EPB41L3: variants seen among roughly 807,000 people sequenced by gnomAD.
The protein encoded by EPB41L3 is erythrocyte membrane protein band 4.1 like 3.
A neutral mutation model predicts 127.1 loss-of-function variants in EPB41L3; 57 were observed. The observed-to-expected ratio is 0.45, with a 90% confidence interval of 0.36 to 0.56. The LOEUF is 0.56. Ranked by LOEUF, EPB41L3 falls within the 20% of genes least tolerant of loss-of-function variation. The pLI, the probability that EPB41L3 is intolerant of heterozygous loss-of-function variation, is 0.00. For synonymous variants in EPB41L3, 572 were observed against 549.5 expected, an observed-to-expected ratio of 1.04 and a Z score of -0.57; for missense variants, 1,273 against 1,372.2, an observed-to-expected ratio of 0.93 and a Z score of 1.14.
chr18:5,459,455 TTTTG>T (rs1157228531), intron 3 of EPB41L3, among the ~76,000 whole-genome samples: 1 of 152,182 alleles, frequency 6.6e-6, no homozygotes, highest in Non-Finnish European at 1.5e-5. Context: ...GACTTTTGCT[TTTTG>T]TTTAAGTTTT....
chr18:5,476,322 A>T (rs1439321879), intron 3 of EPB41L3, among the ~76,000 whole-genome samples: 1 of 152,216 alleles, frequency 6.6e-6, no homozygotes, highest in East Asian at 1.9e-4. Context: ...GTATAAAAAT[A>T]ATTTATTATA....
upstream of EPB41L3, among the ~76,000 whole-genome samples, chr18:5,544,859 T>C (rs928809662): frequency 6.6e-6 from 1 of 152,216 alleles, no homozygotes; most frequent in African/African-American, 2.4e-5. Flanking sequence ...GATGTGATTA[T>C]TACACATTGC....
chr18:5,544,057 T>G, upstream of EPB41L3: 1 of 985,488 alleles, frequency 1.0e-6, no homozygotes, highest in Non-Finnish European at 1.2e-6. Context: ...CGCCCCCTGT[T>G]GCAGGAGACA....
chr18:5,418,637 A>G (rs16948164), intron 12 of EPB41L3, among the ~76,000 whole-genome samples: 7,417 of 152,230 alleles, frequency 0.049, 260 homozygotes, highest in African/African-American at 0.092. Flanking sequence ...ATTATTTCCT[A>G]CTCTCTGCTT....
intron 16 of EPB41L3, chr18:5,400,353 T>A (rs1356279832): frequency 1.1e-5 from 4 of 349,990 alleles, no homozygotes; most frequent in Non-Finnish European, 2.2e-5. Flanking sequence ...GGTTTACATT[T>A]TAAACTAGAA....
At chr18:5,617,561 G>A (rs958681268) in intron 1 of EPB41L3, among the ~76,000 whole-genome samples, 13 of 151,992 alleles carry the variant, frequency 8.6e-5, no homozygotes, top group Admixed American at 2.0e-4. Context: ...CTCGCGATCC[G>A]CCCGCCTCGG....
At chr18:5,591,047 C>T (rs2054471764) in intron 3 of EPB41L3, among the ~76,000 whole-genome samples, 1 of 151,856 alleles carries the variant, frequency 6.6e-6, no homozygotes, top group African/African-American at 2.4e-5. Context: ...ATTTGCTGTA[C>T]TATATTTTAA....
At chr18:5,396,437 T>C in intron 18 of EPB41L3, 105 bp from the exon 19 acceptor site, 1 of 1,343,926 alleles carries the variant, frequency 7.4e-7, no homozygotes, top group Non-Finnish European at 1.0e-6. Context: ...TAGTATGCTA[T>C]AAATGTTTAT....
rs191070111 is a variant in EPB41L3, at chr18:5,514,714, C to T, written c.-11-25520G>A. Reference sequence around the variant, plus strand: ...TCACTTAGAGGAATCATTATCGCTTCCTTGGTATTACTTGGATGCTGGAGG... The same window carrying T: ...TCACTTAGAGGAATCATTATCGCTTTCTTGGTATTACTTGGATGCTGGAGG... On this transcript the variant is annotated intron_variant, in intron 1 of 22. Transcript: ENST00000341928. 5.6e-4 allele frequency among the ~76,000 whole-genome samples: 85 copies of T among 152,166 alleles called. 1 individual carries two copies. Among genetic ancestry groups the T allele is most frequent in the Non-Finnish European group, 5.4e-4 (37 of 68,008 alleles).
chr18:5,582,856 TAAG>T (rs2094406483), intron 3 of EPB41L3, among the ~76,000 whole-genome samples: 1 of 152,192 alleles, frequency 6.6e-6, no homozygotes, highest in Admixed American at 6.5e-5. Context: ...AGTGCAAACT[TAAG>T]AAGCTGGAGC....
intron 8 of EPB41L3, among the ~76,000 whole-genome samples, chr18:5,432,624 A>G (rs892952486): frequency 3.3e-5 from 5 of 152,198 alleles, no homozygotes; most frequent in African/African-American, 1.2e-4. Context: ...TAAAAAGACT[A>G]GTAGTCCTAT....
intron 1 of EPB41L3, among the ~76,000 whole-genome samples, chr18:5,618,202 C>T (rs1490470528): frequency 1.3e-5 from 2 of 152,172 alleles, no homozygotes; most frequent in Non-Finnish European, 2.9e-5. Context: ...AGGTCTCTGC[C>T]TTTTATCACT....
chr18:5,497,179 C>T (rs147885914), intron 1 of EPB41L3, among the ~76,000 whole-genome samples: 118 of 152,126 alleles, frequency 7.8e-4, no homozygotes, highest in African/African-American at 2.8e-3. Flanking sequence ...AAGAGGGGTA[C>T]AAGATAAGGT....
At chr18:5,595,190 T>C (rs1179019289) in intron 3 of EPB41L3, among the ~76,000 whole-genome samples, 2 of 152,112 alleles carry the variant, frequency 1.3e-5, no homozygotes, top group African/African-American at 4.8e-5. Flanking sequence ...TACCCTCCAT[T>C]GAAAGAAATG....
rs565118568 is a variant in EPB41L3, at chr18:5,456,674, C to G, written c.382-11430G>C. On this transcript the variant is annotated intron_variant, in intron 3 of 22. Transcript: ENST00000341928. Reference sequence around the variant, plus strand: ...TACATGTAATACCCTGTTTGAGCCACTGAGGGGTATAGTTGGGTCTACACA... The same window carrying G: ...TACATGTAATACCCTGTTTGAGCCAGTGAGGGGTATAGTTGGGTCTACACA... Among the ~76,000 whole-genome samples the G allele has an allele frequency of 3.9e-5, 6 of 152,322 alleles. No individual in the cohort carries two copies. The South Asian group carries it at 1.2e-3, about 32-fold the overall frequency.
chr18:5,539,187 T>C (rs1181819201), intron 1 of EPB41L3, among the ~76,000 whole-genome samples: 1 of 152,030 alleles, frequency 6.6e-6, no homozygotes, highest in African/African-American at 2.4e-5. Flanking sequence ...GAGAAAAATA[T>C]ATACTCAAGG....
chr18:5,471,139 A>G (rs1346104719), intron 3 of EPB41L3, among the ~76,000 whole-genome samples: 2 of 152,204 alleles, frequency 1.3e-5, no homozygotes, highest in Non-Finnish European at 2.9e-5. Context: ...TACAAAGGCT[A>G]CATGATGTAG....
upstream of EPB41L3, among the ~76,000 whole-genome samples, chr18:5,630,154 C>T (rs1314420597): frequency 6.6e-6 from 1 of 152,184 alleles, no homozygotes; most frequent in Non-Finnish European, 1.5e-5. Flanking sequence ...CTCAAAGCAC[C>T]TCTCTGCTCG....
At chr18:5,598,172 C>T (rs539683626) in intron 3 of EPB41L3, among the ~76,000 whole-genome samples, 9 of 152,170 alleles carry the variant, frequency 5.9e-5, no homozygotes, top group South Asian at 2.1e-4. Context: ...AAGAATTGCC[C>T]GAAAAGACTA....
Sources: gnomAD v4.1 joint callset for allele counts (sites outside exome capture counted in the v4.1 genomes callset) on GRCh38, gnomAD v4.1.1 for gene constraint, MANE v1.5 for transcripts, NCBI Gene and HGNC (gene_info 2026-07-23, HGNC 2026-07-21) for gene names.